KRAS: variants seen among roughly 807,000 people sequenced by gnomAD.
KRAS encodes KRas proto-oncogene, GTPase.
KRAS carries 1 observed loss-of-function variant against 21.0 expected under a neutral mutation model. That is an observed-to-expected ratio of 0.05 (90% CI 0.02 to 0.23). The LOEUF (loss-of-function observed/expected upper bound fraction) is 0.23. Among genes scored for constraint, KRAS ranks in the 10% least tolerant of loss-of-function variants. The pLI is 1.00. For missense variants in KRAS, 107 were observed against 221.8 expected (o/e 0.48, Z 3.29); for synonymous variants, 67 against 72.5 (o/e 0.92, Z 0.39).
At chr12:25,225,286 T>TTATTTTTATATA (rs1486092988) in intron 4 of KRAS, 870 of 10,326 alleles carry the variant, frequency 0.084, 80 homozygotes, top group Admixed American at 0.1. Flanking sequence ...GCCCTGTTCT[T>TTATTTTTATATA]TATATATATA....
intron 4 of KRAS, chr12:25,210,762 T>TG (rs991689949): frequency 6.6e-6 from 1 of 152,210 alleles, no homozygotes; most frequent in Non-Finnish European, 1.5e-5. Context: ...TTAGTCATTG[T>TG]GACCACCATC....
intron 2 of KRAS, among the ~76,000 whole-genome samples, chr12:25,230,205 T>A (rs1484791958): frequency 6.6e-6 from 1 of 152,206 alleles, no homozygotes; most frequent in Non-Finnish European, 1.5e-5. Flanking sequence ...AATATAAAGA[T>A]GTCTAAGTGC....
chr12:25,247,382 G>T (rs1476048863), intron 1 of KRAS, among the ~76,000 whole-genome samples: 5 of 152,272 alleles, frequency 3.3e-5, no homozygotes, highest in African/African-American at 1.2e-4. Flanking sequence ...ATCACACACG[G>T]TCACGGCATA....
intron 4 of KRAS, 102 bp from the exon 5 acceptor site, chr12:25,210,013 T>A: frequency 1.2e-6 from 1 of 842,242 alleles, no homozygotes; most frequent in Non-Finnish European, 1.8e-6. Flanking sequence ...AAGGATTCTT[T>A]ATGTTTCTCT....
intron 1 of KRAS, among the ~76,000 whole-genome samples, chr12:25,250,236 T>C (rs1334685770): frequency 6.6e-6 from 1 of 152,096 alleles, no homozygotes; most frequent in Non-Finnish European, 1.5e-5. Context: ...CAGCCTGCGC[T>C]CGAGGGAGAA....
chr12:25,225,228 C>T (rs1951375042), intron 4 of KRAS: 1 of 149,568 alleles, frequency 6.7e-6, no homozygotes, highest in Non-Finnish European at 1.5e-5. Context: ...AGAAACATGA[C>T]ATAATGGTTT....
At chr12:25,235,501 G>T (rs142734331) in intron 2 of KRAS, among the ~76,000 whole-genome samples, 1 of 152,104 alleles carries the variant, frequency 6.6e-6, no homozygotes, top group Admixed American at 6.5e-5. Flanking sequence ...GTCACATTCC[G>T]TGTCACACAT....
At chr12:25,211,997 T>C (rs1951204499) in intron 4 of KRAS, among the ~76,000 whole-genome samples, 1 of 152,236 alleles carries the variant, frequency 6.6e-6, no homozygotes, top group African/African-American at 2.4e-5. Flanking sequence ...TTTGATTACA[T>C]ATATGTATGT....
chr12:25,209,692 G>T lies in KRAS; in HGVS notation c.*103C>A. 6.6e-7 allele frequency: 1 copy of T among 1,505,240 alleles called. No homozygotes were observed. Among genetic ancestry groups the T allele is most frequent in the East Asian group, 2.3e-5 (1 of 42,584 alleles). 93.2% of individuals were successfully genotyped at this position (1,505,240 alleles called of 1,614,324 possible). A position where few individuals can be genotyped will look rare whatever the true frequency, so the allele number is the denominator to read the frequency against. Reference sequence around the variant, plus strand: ...AAAGCTAACAGTCTGCATGGAGCAGGAAAAAAATTAGGTAATGCTAAAACA... The same window carrying T: ...AAAGCTAACAGTCTGCATGGAGCAGTAAAAAAATTAGGTAATGCTAAAACA... On this transcript the variant is annotated 3_prime_UTR_variant, in exon 5 of 5. Transcript: ENST00000311936.
intron 4 of KRAS, among the ~76,000 whole-genome samples, chr12:25,224,694 T>G (rs1463587818): frequency 1.3e-5 from 2 of 152,184 alleles, no homozygotes; most frequent in Admixed American, 6.5e-5. Flanking sequence ...AACAATTGCC[T>G]TATAGTCATT....
At position 25,207,489 on chromosome 12, in the gene KRAS, G is replaced by C. The variant is rs965174031; in HGVS notation, c.*2306C>G. 2.5e-5 allele frequency: 5 copies of C among 196,870 alleles called. No homozygotes were observed. The highest frequency in any genetic ancestry group is 1.2e-4 in the African/African-American group (5 of 42,526). The allele number at this position is 196,870 out of a possible 1,614,324, so 12.2% of individuals were successfully genotyped here. A position where few individuals can be genotyped will look rare whatever the true frequency, so the allele number is the denominator to read the frequency against. On this transcript the variant is annotated 3_prime_UTR_variant, in exon 5 of 5. Transcript: ENST00000311936. ...AGATGGCGCCACTGCATTCCAGCCT[G>C]GGTGACAAGAGCGAGACTCTGACAC...
intron 3 of KRAS, among the ~76,000 whole-genome samples, chr12:25,226,612 G>A (rs540333138): frequency 5.9e-5 from 9 of 152,118 alleles, no homozygotes; most frequent in South Asian, 4.2e-4. Context: ...AGGCTAACTC[G>A]TTATTATATG....
At chr12:25,223,562 T>C (rs1385060238) in intron 4 of KRAS, among the ~76,000 whole-genome samples, 1 of 152,176 alleles carries the variant, frequency 6.6e-6, no homozygotes, top group Non-Finnish European at 1.5e-5. Context: ...ATCTGTACAA[T>C]GGTCAAACTA....
intron 1 of KRAS, among the ~76,000 whole-genome samples, chr12:25,248,372 C>G (rs1263274457): frequency 6.6e-6 from 1 of 152,024 alleles, no homozygotes; most frequent in African/African-American, 2.4e-5. Flanking sequence ...ATCGCTTGAG[C>G]CTGAGAGTCG....
At chr12:25,243,183 C>T (rs1951632682) in intron 2 of KRAS, among the ~76,000 whole-genome samples, 1 of 152,100 alleles carries the variant, frequency 6.6e-6, no homozygotes, top group African/African-American at 2.4e-5. Context: ...GTCAGCATTT[C>T]CATTTAACCA....
chr12:25,238,723 A>G (rs1158632338), intron 2 of KRAS, among the ~76,000 whole-genome samples: 1 of 152,246 alleles, frequency 6.6e-6, no homozygotes, highest in Non-Finnish European at 1.5e-5. Flanking sequence ...GAACATCAGT[A>G]TATCTAAATC....
At chr12:25,222,544 A>G (rs943594890) in intron 4 of KRAS, among the ~76,000 whole-genome samples, 37 of 152,310 alleles carry the variant, frequency 2.4e-4, no homozygotes, top group African/African-American at 7.5e-4. Context: ...GATGTAAAAG[A>G]AAGGTTGAGT....
intron 2 of KRAS, among the ~76,000 whole-genome samples, chr12:25,233,515 A>T (rs1394172258): frequency 6.6e-6 from 1 of 152,148 alleles, no homozygotes; most frequent in Non-Finnish European, 1.5e-5. Context: ...GAATGAACGA[A>T]GGTAGGTTAG....
At chr12:25,232,564 T>C (rs1951487923) in intron 2 of KRAS, among the ~76,000 whole-genome samples, 1 of 152,220 alleles carries the variant, frequency 6.6e-6, no homozygotes, top group Admixed American at 6.5e-5. Flanking sequence ...AGGATGAAGG[T>C]GTTACGTTTT....
Sources: gnomAD v4.1 joint callset for allele counts (sites outside exome capture counted in the v4.1 genomes callset) on GRCh38, gnomAD v4.1.1 for gene constraint, MANE v1.5 for transcripts, NCBI Gene and HGNC (gene_info 2026-07-23, HGNC 2026-07-21) for gene names.